The following PLLP variants were observed in gnomAD, a reference collection of about 807,000 sequenced individuals.
PLLP encodes plasmolipin, also known as plasma membrane proteolipid (plasmolipin).
In PLLP, 15 loss-of-function variants were observed where a neutral mutation model predicts 19.7. That is an observed-to-expected ratio of 0.76 (90% CI 0.51 to 1.17). PLLP has a LOEUF of 1.17. Among genes scored for constraint, PLLP ranks in the 50% most tolerant of loss-of-function variants. The probability of loss-of-function intolerance (pLI) is 0.00; values close to 1 mark genes in which losing one functional copy is unlikely to be tolerated. For synonymous variants in PLLP, 111 were observed against 116.3 expected (o/e 0.95, Z 0.29); for missense variants, 255 against 258.3 (o/e 0.99, Z 0.09).
At chr16:57,258,729 C>A in intron 2 of PLLP, 145 bp from the exon 3 acceptor site, 1 of 761,004 alleles carries the variant, frequency 1.3e-6, no homozygotes, top group East Asian at 2.6e-5. Context: ...AGAGACCAGC[C>A]TGGGGAACAT....
intron 1 of PLLP, among the ~76,000 whole-genome samples, chr16:57,280,199 A>G (rs139261638): frequency 6.6e-6 from 1 of 152,312 alleles, no homozygotes; most frequent in Non-Finnish European, 1.5e-5. Context: ...GCATAGCTAG[A>G]GCCAGGTTTT....
At chr16:57,265,229 T>C (rs1334742147) in intron 1 of PLLP, among the ~76,000 whole-genome samples, 1 of 152,088 alleles carries the variant, frequency 6.6e-6, no homozygotes, top group Non-Finnish European at 1.5e-5. Context: ...CCCTTACGAG[T>C]GTGGACCCAG....
rs2075426095 is a variant in PLLP, at chr16:57,256,620, G to A, written c.*293C>T. On this transcript the variant is annotated 3_prime_UTR_variant, in exon 4 of 4. Coordinates refer to ENST00000219207, the MANE Select transcript of PLLP (RefSeq NM_015993.3). ...GTGGGCCCCAGTCTTGGACGCTGAA[G>A]TCCTCTAAAGACAAGGCAGAGACAC... is the stretch of plus-strand genomic sequence containing the variant. The A allele has an allele frequency of 2.5e-6, 1 of 392,528 alleles. No individual in the cohort carries two copies. Among genetic ancestry groups the A allele is most frequent in the Non-Finnish European group, 4.7e-6 (1 of 214,082 alleles). The allele number at this position is 392,528 out of a possible 1,614,324, so 24.3% of individuals were successfully genotyped here. A position where few individuals can be genotyped will look rare whatever the true frequency, so the allele number is the denominator to read the frequency against.
chr16:57,281,332 G>A (rs1330290569), intron 1 of PLLP, among the ~76,000 whole-genome samples: 1 of 152,140 alleles, frequency 6.6e-6, no homozygotes, highest in East Asian at 1.9e-4. Flanking sequence ...AGATCTAAAG[G>A]CCTTGGCAAA....
At chr16:57,260,790 G>A (rs1379050224) in intron 2 of PLLP, among the ~76,000 whole-genome samples, 1 of 152,190 alleles carries the variant, frequency 6.6e-6, no homozygotes, top group African/African-American at 2.4e-5. Context: ...GGGCAAACCT[G>A]GGGAGCCCAG....
At chr16:57,277,386 T>C (rs907247530) in intron 1 of PLLP, among the ~76,000 whole-genome samples, 2 of 152,184 alleles carry the variant, frequency 1.3e-5, no homozygotes, top group Non-Finnish European at 2.9e-5. Flanking sequence ...GGTCAGGAGT[T>C]TGAGACCAGC....
intron 1 of PLLP, among the ~76,000 whole-genome samples, chr16:57,277,942 A>T (rs928786731): frequency 6.6e-6 from 1 of 152,034 alleles, no homozygotes; most frequent in Admixed American, 6.6e-5. Context: ...TTTTTCAAAG[A>T]ATAAAACAAT....
At position 57,284,642 on chromosome 16, in the gene PLLP, C is replaced by A; in HGVS notation, c.-102G>T. On this transcript the variant is annotated 5_prime_UTR_variant, in exon 1 of 4. It adds an upstream start codon to the 5' untranslated region. Coordinates refer to ENST00000219207, the MANE Select transcript of PLLP (RefSeq NM_015993.3). The stretch of plus-strand genomic sequence containing the variant: ...CGCTTTTCCCCCAGGCTCCGGATCC[C>A]TGTGTGGCTCCAGGCGCTGCAGGAG... 1 of 1,144,904 alleles carries A rather than the reference C, an allele frequency of 8.7e-7. No homozygotes were observed. Among genetic ancestry groups the A allele is most frequent in the South Asian group, 3.4e-5 (1 of 29,066 alleles). The allele number at this position is 1,144,904 out of a possible 1,614,324, so 70.9% of individuals were successfully genotyped here.
rs112758233 is a variant in PLLP, at chr16:57,284,532, C to T, written c.9G>A (p.Glu3=). MA[E]FPSKVSTRTS... ...TCCGCGTGCTAACTTTCGACGGGAACTCGGCCATGGCGGCTCCGCTTGCCT... is the reference window on the plus strand; with the variant it reads ...TCCGCGTGCTAACTTTCGACGGGAATTCGGCCATGGCGGCTCCGCTTGCCT... The change falls in exon 1 of 4, where the codon GAG becomes GAA. Residue 3 remains glutamate, a synonymous_variant. Transcript: ENST00000219207. 1.4e-5 allele frequency: 20 copies of T among 1,379,992 alleles called. No homozygotes were observed. The African/African-American group carries it at 1.9e-4, about 13-fold the overall frequency. 85.5% of individuals were successfully genotyped at this position (1,379,992 alleles called of 1,614,324 possible). A position where few individuals can be genotyped will look rare whatever the true frequency, so the allele number is the denominator to read the frequency against.
At chr16:57,275,589 A>G (rs1232872052) in intron 1 of PLLP, among the ~76,000 whole-genome samples, 1 of 150,596 alleles carries the variant, frequency 6.6e-6, no homozygotes, top group African/African-American at 2.4e-5. Flanking sequence ...GAGGAATGAA[A>G]TAAAGAAATT....
intron 1 of PLLP, among the ~76,000 whole-genome samples, chr16:57,271,438 G>A (rs772607184): frequency 5.9e-5 from 9 of 152,142 alleles, no homozygotes; most frequent in East Asian, 3.9e-4. Context: ...GAGGTCAGGC[G>A]TTCCAGACCA....
chr16:57,281,795 GCCA>G (rs1487576469), intron 1 of PLLP, among the ~76,000 whole-genome samples: 7 of 152,042 alleles, frequency 4.6e-5, no homozygotes, highest in African/African-American at 1.7e-4. Flanking sequence ...ACAGGCGTGA[GCCA>G]CCACACCTGG....
intron 1 of PLLP, 116 bp from the exon 2 acceptor site, chr16:57,262,186 C>A: frequency 1.0e-6 from 1 of 979,470 alleles, no homozygotes; most frequent in Non-Finnish European, 1.5e-6. Context: ...CTTTGGGAGC[C>A]CAAGGTGTAA....
rs371557100 is a variant in PLLP, at chr16:57,258,564, G to A, written c.330C>T (p.Ser110=). Residue 110 remains serine (S), a synonymous_variant, in exon 3 of 4, where the codon AGC becomes AGT. Transcript: ENST00000219207. The part of the protein sequence containing the change: ...WPLVLMIFNI[S]ATVLYITAFI... ...AGGCGGTGATGTAGAGAACGGTGGCGCTGATGTTAAAGATCATTAACTGCA... is the reference window on the plus strand; with the variant it reads ...AGGCGGTGATGTAGAGAACGGTGGCACTGATGTTAAAGATCATTAACTGCA... 1.8e-5 allele frequency: 29 copies of A among 1,612,816 alleles called. No individual in the cohort carries two copies. Among genetic ancestry groups the A allele is most frequent in the Middle Eastern group, 1.7e-4 (1 of 6,010 alleles).
At chr16:57,277,394 A>G (rs574466472) in intron 1 of PLLP, among the ~76,000 whole-genome samples, 2 of 152,318 alleles carry the variant, frequency 1.3e-5, no homozygotes, top group South Asian at 4.1e-4. Flanking sequence ...GTTTGAGACC[A>G]GCCTGATCAA....
At position 57,261,802 on chromosome 16, in the gene PLLP, G is replaced by A; in HGVS notation, c.309+95C>T. 6.4e-6 allele frequency: 7 copies of A among 1,086,368 alleles called. No individual in the cohort carries two copies. In the South Asian group the frequency reaches 9.5e-5, roughly 15 times the overall value. 67.3% of individuals were successfully genotyped at this position (1,086,368 alleles called of 1,614,324 possible). ...CTGCAGATCAGCTTAGGTCAGTGAG[G>A]ATGTCAGGCCACCCCCCCACACCCT... On this transcript the variant is annotated intron_variant, in intron 2 of 3. Transcript: ENST00000219207.
chr16:57,279,376 TTG>T (rs1491294416), intron 1 of PLLP, among the ~76,000 whole-genome samples: 6 of 151,268 alleles, frequency 4.0e-5, no homozygotes, highest in African/African-American at 1.5e-4. Context: ...TTTTTTTTTT[TTG>T]TTAAGAGTAG....
chr16:57,264,366 C>T (rs2075450709), intron 1 of PLLP, among the ~76,000 whole-genome samples: 2 of 152,230 alleles, frequency 1.3e-5, no homozygotes, highest in Admixed American at 6.5e-5. Flanking sequence ...TGATGCTGAC[C>T]GAGTACCTTC....
intron 1 of PLLP, among the ~76,000 whole-genome samples, chr16:57,281,818 G>A (rs1260314784): frequency 6.6e-6 from 1 of 152,044 alleles, no homozygotes; most frequent in African/African-American, 2.4e-5. Flanking sequence ...GCCCCAACAA[G>A]CAGATTTCTA....
Sources: allele counts gnomAD v4.1 joint callset (sites outside exome capture counted in the v4.1 genomes callset), GRCh38; gene constraint gnomAD v4.1.1; transcripts MANE v1.5; gene names NCBI Gene and HGNC (gene_info 2026-07-23, HGNC 2026-07-21).